The following AMPH variants were observed in gnomAD, a reference collection of about 807,000 sequenced individuals.
AMPH encodes the protein amphiphysin, also known as amphiphysin (Stiff-Mann syndrome with breast cancer 128kD autoantigen).
A neutral mutation model predicts 99.1 loss-of-function variants in AMPH; 49 were observed. The ratio of observed to expected loss-of-function variants is 0.49; its 90% confidence interval spans 0.39 to 0.63. The LOEUF (loss-of-function observed/expected upper bound fraction) is 0.63, where lower values mean the gene tolerates loss of function less well. AMPH is among the 20% of genes least tolerant of loss of function. AMPH has a pLI of 0.00. For missense variants in AMPH, 759 were observed against 863.4 expected, an observed-to-expected ratio of 0.88 and a Z score of 1.52; for synonymous variants, 314 against 317.3, an observed-to-expected ratio of 0.99 and a Z score of 0.11.
intron 2 of AMPH, among the ~76,000 whole-genome samples, chr7:38,529,395 G>A (rs1790310246): frequency 6.6e-6 from 1 of 152,228 alleles, no homozygotes; most frequent in African/African-American, 2.4e-5. Context: ...AGCATCACTG[G>A]CATCACTTGG....
intron 14 of AMPH, chr7:38,428,880 T>C (rs1427746157): frequency 3.1e-6 from 2 of 648,682 alleles, no homozygotes; most frequent in Admixed American, 2.3e-5. Flanking sequence ...ACTTTCCTTA[T>C]ACCCTGCTCT....
intron 1 of AMPH, among the ~76,000 whole-genome samples, chr7:38,549,115 G>A (rs1791093992): frequency 6.6e-6 from 1 of 152,206 alleles, no homozygotes; most frequent in African/African-American, 2.4e-5. Context: ...TTTGTTAAAA[G>A]GGAAGCCTTG....
intron 12 of AMPH, among the ~76,000 whole-genome samples, chr7:38,432,584 TAATACA>T (rs1313663184): frequency 1.1e-5 from 1 of 90,494 alleles, no homozygotes; most frequent in Non-Finnish European, 2.2e-5. Context: ...GAGGTTATTT[TAATACA>T]CACACACACA....
chr7:38,583,663 C>T (rs112604548), intron 1 of AMPH, among the ~76,000 whole-genome samples: 10 of 152,252 alleles, frequency 6.6e-5, no homozygotes, highest in African/African-American at 2.2e-4. Flanking sequence ...AATAAGAATA[C>T]TAAAGAAAAT....
intron 2 of AMPH, among the ~76,000 whole-genome samples, chr7:38,528,045 A>G (rs1432827670): frequency 6.6e-6 from 1 of 152,164 alleles, no homozygotes; most frequent in African/African-American, 2.4e-5. Flanking sequence ...GGTAAATTAC[A>G]TTGATTGATT....
intron 17 of AMPH, among the ~76,000 whole-genome samples, chr7:38,399,825 G>T (rs1784791495): frequency 6.6e-6 from 1 of 152,124 alleles, no homozygotes; most frequent in African/African-American, 2.4e-5. Context: ...CCTATCTTCT[G>T]CCCAACCTAT....
chr7:38,422,776 G>A (rs1173131967), intron 15 of AMPH, among the ~76,000 whole-genome samples: 2 of 151,990 alleles, frequency 1.3e-5, no homozygotes, highest in Non-Finnish European at 2.9e-5. Context: ...ACATCACCAC[G>A]CCTGGCTAAT....
At chr7:38,541,537 A>G (rs904623864) in intron 1 of AMPH, among the ~76,000 whole-genome samples, 1 of 152,134 alleles carries the variant, frequency 6.6e-6, no homozygotes. Context: ...TTTCTATACC[A>G]CTATGACATC....
chr7:38,437,647 A>G (rs1324265180), intron 11 of AMPH, among the ~76,000 whole-genome samples: 3 of 142,736 alleles, frequency 2.1e-5, no homozygotes, highest in Non-Finnish European at 3.1e-5. Context: ...AAAAAAAGAA[A>G]AGAAAAATTA....
intron 1 of AMPH, among the ~76,000 whole-genome samples, chr7:38,571,214 T>G (rs1401837426): frequency 1.0e-5 from 1 of 96,636 alleles, no homozygotes; most frequent in Non-Finnish European, 1.8e-5. Flanking sequence ...ATTATTTATA[T>G]ATTTTTATAT....
chr7:38,441,041 T>A (rs6977662), intron 11 of AMPH, among the ~76,000 whole-genome samples: 77,883 of 151,696 alleles, frequency 0.51, 20,236 homozygotes, highest in Admixed American at 0.57. Flanking sequence ...TTGAAGTATG[T>A]AGACACAAAT....
chr7:38,568,042 T>C (rs1047157233), intron 1 of AMPH, among the ~76,000 whole-genome samples: 1 of 152,212 alleles, frequency 6.6e-6, no homozygotes, highest in African/African-American at 2.4e-5. Context: ...ATTTAATAAA[T>C]GTCATTCCAA....
chr7:38,487,820 T>A (rs930799464), intron 5 of AMPH, among the ~76,000 whole-genome samples: 5 of 152,018 alleles, frequency 3.3e-5, no homozygotes, highest in Non-Finnish European at 7.4e-5. Flanking sequence ...CTTAAACAAA[T>A]TTACAAGAAG....
chr7:38,422,719 C>A (rs1196038201), intron 15 of AMPH, among the ~76,000 whole-genome samples: 1 of 152,098 alleles, frequency 6.6e-6, no homozygotes, highest in Non-Finnish European at 1.5e-5. Flanking sequence ...CCTCCCTGGG[C>A]TCAGGCGATC....
rs115545925 is a variant in AMPH, at chr7:38,601,424, C to T, written c.69+29859G>A. Among the ~76,000 whole-genome samples the T allele has an allele frequency of 2.7e-3, 409 of 152,308 alleles. 1 individual carries two copies. Among genetic ancestry groups the T allele is most frequent in the African/African-American group, 9.3e-3 (386 of 41,582 alleles). On this transcript the variant is annotated intron_variant, in intron 1 of 20. Transcript: ENST00000356264. Reference sequence around the variant, plus strand: ...ATTTCACACTTAAATTATTTTTTCTCTTTGCTTAATCCAAGTTCCATTTTG... The same window carrying T: ...ATTTCACACTTAAATTATTTTTTCTTTTTGCTTAATCCAAGTTCCATTTTG...
chr7:38,454,655 T>C (rs1787161290), intron 11 of AMPH, among the ~76,000 whole-genome samples: 1 of 152,238 alleles, frequency 6.6e-6, no homozygotes, highest in South Asian at 2.1e-4. Context: ...TGCCAATTCA[T>C]GTAAATAATA....
chr7:38,589,527 A>G (rs1251476418), intron 1 of AMPH, among the ~76,000 whole-genome samples: 1 of 152,238 alleles, frequency 6.6e-6, no homozygotes, highest in Non-Finnish European at 1.5e-5. Context: ...ACCTACCCCG[A>G]GCATCAAAAC....
intron 17 of AMPH, among the ~76,000 whole-genome samples, chr7:38,407,616 T>G (rs1406752207): frequency 6.6e-6 from 1 of 151,846 alleles, no homozygotes; most frequent in African/African-American, 2.4e-5. Flanking sequence ...TAAAATAAAA[T>G]TTAAAAATTT....
intron 11 of AMPH, among the ~76,000 whole-genome samples, chr7:38,452,215 T>TA (rs1307130869): frequency 6.6e-6 from 1 of 152,178 alleles, no homozygotes; most frequent in East Asian, 1.9e-4. Context: ...AAGTGCATGA[T>TA]AAAAATAGCA....
Sources: gnomAD v4.1 joint callset for allele counts (sites outside exome capture counted in the v4.1 genomes callset) on GRCh38, gnomAD v4.1.1 for gene constraint, MANE v1.5 for transcripts, NCBI Gene and HGNC (gene_info 2026-07-23, HGNC 2026-07-21) for gene names.